RETREG2: variants seen among roughly 807,000 people sequenced by gnomAD.
The protein encoded by RETREG2 is reticulophagy regulator 2.
A neutral mutation model predicts 51.6 loss-of-function variants in RETREG2; 21 were observed. That is an observed-to-expected ratio of 0.41 (90% CI 0.29 to 0.59). The LOEUF is 0.59. RETREG2 is among the 20% of genes least tolerant of loss of function. The pLI, the probability that RETREG2 is intolerant of heterozygous loss-of-function variation, is 0.34. For synonymous variants in RETREG2, 339 were observed against 288.6 expected (o/e 1.17, Z -1.77); for missense variants, 674 against 646.0 (o/e 1.04, Z -0.47).
At chr2:219,180,942 T>C (rs1950269669) in intron 5 of RETREG2, 120 bp from the exon 6 acceptor site, 3 of 1,455,074 alleles carry the variant, frequency 2.1e-6, no homozygotes, top group East Asian at 2.3e-5. Context: ...CAAGAAGAGG[T>C]TGGCACAGCC....
chr2:219,181,510 A>G, intron 7 of RETREG2, 47 bp downstream of exon 7: 1 of 1,609,110 alleles, frequency 6.2e-7, no homozygotes, highest in South Asian at 1.1e-5. Context: ...GCCAGAGGAA[A>G]AATCTTTCTG....
chr2:219,182,119 T>C lies in RETREG2; in HGVS notation c.1122T>C (p.Arg374=). 6.2e-7 allele frequency: 1 copy of C among 1,613,996 alleles called. No homozygotes were observed. Among genetic ancestry groups the C allele is most frequent in the Non-Finnish European group, 8.5e-7 (1 of 1,179,978 alleles). ...CCCCTCCCGAAGACCTACTAGGCCGTCCTCAAGCTCTGTCAAGGCAAGCCC... is the reference window on the plus strand; with the variant it reads ...CCCCTCCCGAAGACCTACTAGGCCGCCCTCAAGCTCTGTCAAGGCAAGCCC... ...ELAPPEDLLG[R]PQALSRQALD... is the part of the protein sequence containing the mutation. The change falls in exon 9 of 9, where the codon CGT becomes CGC. Residue 374 remains arginine, a synonymous_variant. Transcript: ENST00000430297.
At chr2:219,180,354 G>T in intron 4 of RETREG2, 109 bp downstream of exon 4, 1 of 1,456,612 alleles carries the variant, frequency 6.9e-7, no homozygotes, top group South Asian at 1.2e-5. Context: ...CCTGAAAGAA[G>T]AGGCCTGGGC....
rs73074987 is a variant in RETREG2, at chr2:219,180,239, A to G, written c.549A>G (p.Pro183=). The part of the protein sequence containing the change: ...QELLQYKRQN[P]AQFCVRVCSG... ...TGCTGCAGTACAAGAGGCAGAATCC[A>G]GCTCAGGTAACCTCCCCTACATCAT... The change falls in exon 4 of 9, where the codon CCA becomes CCG. Residue 183 remains proline (P), a synonymous_variant. Coordinates refer to ENST00000430297, the MANE Select transcript of RETREG2 (RefSeq NM_024293.6). 1,067 of 1,614,208 alleles carry G rather than the reference A, an allele frequency of 6.6e-4. 5 individuals are homozygous for G. The African/African-American group carries it at 0.011, about 17-fold the overall frequency.
chr2:219,179,828 C>A, intron 3 of RETREG2, 65 bp downstream of exon 3: 1 of 1,530,410 alleles, frequency 6.5e-7, no homozygotes, highest in Non-Finnish European at 9.1e-7. Flanking sequence ...GTGCCAGTGT[C>A]ACCATGGAGC....
chr2:219,182,251 C>G lies in RETREG2; in HGVS notation c.1254C>G (p.Pro418=). The change falls in exon 9 of 9, where the codon CCC becomes CCG. Residue 418 remains proline (P), a synonymous_variant. Coordinates refer to ENST00000430297, the MANE Select transcript of RETREG2 (RefSeq NM_024293.6). ...VNTHFNGAGS[P]PDGVKCSPGG... ...CGCACTTCAATGGGGCAGGGTCCCCCCCAGATGGAGTGAAATGCTCCCCTG... is the reference window on the plus strand; with the variant it reads ...CGCACTTCAATGGGGCAGGGTCCCCGCCAGATGGAGTGAAATGCTCCCCTG... 6.2e-7 allele frequency: 1 copy of G among 1,614,136 alleles called. No individual in the cohort carries two copies. Among genetic ancestry groups the G allele is most frequent in the South Asian group, 1.1e-5 (1 of 91,080 alleles).
In RETREG2 at chr2:219,182,524, G is replaced by A. The variant is rs780646508; in HGVS notation, c.1527G>A (p.Leu509=). ...AGCAGCTGAATGCAGAGCTGGGCTT[G>A]GAGCCAGAGACACCGCCAAAACCCC... ...ELEQLNAELG[L]EPETPPKPPD... is the part of the protein sequence containing the mutation. The change falls in exon 9 of 9, where the codon TTG becomes TTA. Residue 509 remains leucine, a synonymous_variant. Transcript: ENST00000430297. The A allele has an allele frequency of 2.5e-6, 4 of 1,614,056 alleles. No individual in the cohort carries two copies. The East Asian group carries it at 8.9e-5, about 36-fold the overall frequency.
intron 2 of RETREG2, 97 bp downstream of exon 2, chr2:219,179,125 C>A: frequency 1.1e-6 from 1 of 879,412 alleles, no homozygotes; most frequent in Non-Finnish European, 1.9e-6. Flanking sequence ...GTACAGCAGG[C>A]CACCTGCCTC....
rs537666893 is a variant in RETREG2, at chr2:219,180,341, G to A, written c.555+96G>A. ...GAGTGATATAAACTCCCCGCTTGGA[G>A]ACCCTGAAAGAAGAGGCCTGGGCGC... On this transcript the variant is annotated intron_variant, in intron 4 of 8. Transcript: ENST00000430297. 176 of 1,513,568 alleles carry A rather than the reference G, an allele frequency of 1.2e-4. No homozygotes were observed. The African/African-American group carries it at 2.3e-3, about 20-fold the overall frequency. 93.8% of individuals were successfully genotyped at this position (1,513,568 alleles called of 1,614,324 possible).
intron 2 of RETREG2, among the ~76,000 whole-genome samples, chr2:219,179,518 G>T (rs1019591887): frequency 1.3e-5 from 2 of 152,188 alleles, no homozygotes; most frequent in Non-Finnish European, 2.9e-5. Flanking sequence ...TATGTGAGTT[G>T]CTTGGGAGAT....
intron 1 of RETREG2, 62 bp downstream of exon 1, chr2:219,178,695 C>T (rs545543466): frequency 2.9e-6 from 4 of 1,402,988 alleles, no homozygotes; most frequent in South Asian, 1.5e-5. Flanking sequence ...GTCGAGAGCA[C>T]CATTCCCCTT....
chr2:219,184,442 T>A lies in RETREG2; in HGVS notation c.*1813T>A, dbSNP rs1478665472. 6.6e-6 allele frequency: 1 copy of A among 152,170 alleles called. No individual in the cohort carries two copies. The highest frequency in any genetic ancestry group is 2.4e-5 in the African/African-American group (1 of 41,432). 9.4% of individuals were successfully genotyped at this position (152,170 alleles called of 1,614,324 possible). On this transcript the variant is annotated 3_prime_UTR_variant, in exon 9 of 9. Coordinates refer to ENST00000430297, the MANE Select transcript of RETREG2 (RefSeq NM_024293.6). ...GTACCATATGGTAATGCTGCCTGTC[T>A]TTCTGAGGTTGACTTTTATGCCATG...
At position 219,183,045 on chromosome 2, in the gene RETREG2, A is replaced by T. The variant is rs1451832219; in HGVS notation, c.*416A>T. 1 of 197,364 alleles carries T rather than the reference A, an allele frequency of 5.1e-6. No homozygotes were observed. The highest frequency in any genetic ancestry group is 2.2e-3 in the Middle Eastern group (1 of 452). 12.2% of individuals were successfully genotyped at this position (197,364 alleles called of 1,614,324 possible). Reference sequence around the variant, plus strand: ...TGGTTGTTTAGTTGAGGCACTTTATAATTTTTCTCTTGTCTTGTGTTCCTT... The same window carrying T: ...TGGTTGTTTAGTTGAGGCACTTTATTATTTTTCTCTTGTCTTGTGTTCCTT... On this transcript the variant is annotated 3_prime_UTR_variant, in exon 9 of 9. Transcript: ENST00000430297.
intron 2 of RETREG2, 55 bp downstream of exon 2, chr2:219,179,083 T>A: frequency 7.5e-7 from 1 of 1,340,814 alleles, no homozygotes; most frequent in South Asian, 1.2e-5. Context: ...GGTGCCTGAT[T>A]CCGCTGGGTG....
chr2:219,181,669 G>C lies in RETREG2; in HGVS notation c.909G>C (p.Leu303Phe), dbSNP rs756939853. 1.2e-6 allele frequency: 2 copies of C among 1,614,120 alleles called. No individual in the cohort carries two copies. The highest frequency in any genetic ancestry group is 4.5e-5 in the East Asian group (2 of 44,876). Residue 303 changes from leucine (L) to phenylalanine (F), a missense_variant, in exon 8 of 9, where the codon TTG (leucine) becomes TTC (phenylalanine). Coordinates refer to ENST00000430297, the MANE Select transcript of RETREG2 (RefSeq NM_024293.6). ...ATGTGAAGAAAACAGCATTGGCCTT[G>C]GCCATTACAGACTCAGAGCTGTCAG... Reference protein sequence around the residue: ...VVDVKKTALALAITDSELSDE... With the variant: ...VVDVKKTALAFAITDSELSDE...
rs887929562 is a variant in RETREG2 at position 219,184,693 on chromosome 2, T to A, written c.*2064T>A. ...GCAACATGTCCTATCTTTAATCTAT[T>A]TTCTTATTAAGCTTGGACATTGACA... is the stretch of plus-strand genomic sequence containing the variant. On this transcript the variant is annotated 3_prime_UTR_variant, in exon 9 of 9. Transcript: ENST00000430297. 4.6e-5 allele frequency: 7 copies of A among 152,204 alleles called. No individual in the cohort carries two copies. The highest frequency in any genetic ancestry group is 8.8e-5 in the Non-Finnish European group (6 of 68,040). The allele number at this position is 152,204 out of a possible 1,614,324, so 9.4% of individuals were successfully genotyped here.
Position 219,181,901 on chromosome 2 carries a change from T to C in RETREG2, c.1016-112T>C, listed in dbSNP as rs933055866. The C allele has an allele frequency of 5.8e-6, 9 of 1,557,826 alleles. No individual in the cohort carries two copies. The South Asian group carries it at 1.1e-4, about 19-fold the overall frequency. The stretch of plus-strand genomic sequence containing the variant: ...TCAGCTCCTAAAAGACCTTAACACC[T>C]AAGGCTTGGCCCAGCTTTCCATGTC... On this transcript the variant is annotated intron_variant, in intron 8 of 8. Coordinates refer to ENST00000430297, the MANE Select transcript of RETREG2 (RefSeq NM_024293.6).
At chr2:219,180,389 C>A in intron 4 of RETREG2, 144 bp downstream of exon 4, 1 of 1,139,146 alleles carries the variant, frequency 8.8e-7, no homozygotes, top group Non-Finnish European at 1.3e-6. Flanking sequence ...ACATTCACAG[C>A]TAATCCCTGG....
chr2:219,182,478 TGCTGGATCAGGGGGA>T lies in RETREG2; in HGVS notation c.1488_1502del (p.Asp496_Leu500del), dbSNP rs1950296102. 3 of 1,614,022 alleles carry T rather than the reference TGCTGGATCAGGGGGA, an allele frequency of 1.9e-6. No individual in the cohort carries two copies. Among genetic ancestry groups the T allele is most frequent in the Non-Finnish European group, 2.5e-6 (3 of 1,179,988 alleles). On this transcript the variant is annotated inframe_deletion, in exon 9 of 9. Coordinates refer to ENST00000430297, the MANE Select transcript of RETREG2 (RefSeq NM_024293.6). ...GCACTCACCACTGAGGACTTTGAGT[TGCTGGATCAGGGGGA>T]GCTGGAGCAGCTGAATGCAGAGCTG...
Sources: gnomAD v4.1 joint callset for allele counts (sites outside exome capture counted in the v4.1 genomes callset) on GRCh38, gnomAD v4.1.1 for gene constraint, MANE v1.5 for transcripts, NCBI Gene and HGNC (gene_info 2026-07-23, HGNC 2026-07-21) for gene names.